Variants in STPG2 observed in about 807,000 individuals in gnomAD.
The protein encoded by STPG2 is sperm tail PG-rich repeat containing 2.
A neutral mutation model predicts 54.2 loss-of-function variants in STPG2; 56 were observed. The ratio of observed to expected loss-of-function variants is 1.03; its 90% CI spans 0.83 to 1.29. The LOEUF (loss-of-function observed/expected upper bound fraction) is 1.29. STPG2 is among the 50% of genes most tolerant of loss of function. STPG2 has a pLI of 0.00. For missense variants in STPG2, 596 were observed against 544.9 expected, an observed-to-expected ratio of 1.09 and a Z score of -0.93; for synonymous variants, 200 against 181.8, an observed-to-expected ratio of 1.10 and a Z score of -0.81.
chr4:97,975,054 A>C lies in STPG2; in HGVS notation c.773-2614T>G, dbSNP rs1359762174. ...AAAAGGCAGACTCAAAAGCTTGAATAATGTATAATTCCATTTATATGTAAA... is the reference window on the plus strand; with the variant it reads ...AAAAGGCAGACTCAAAAGCTTGAATCATGTATAATTCCATTTATATGTAAA... On this transcript the variant is annotated intron_variant, in intron 6 of 10. Coordinates refer to ENST00000295268, the MANE Select transcript of STPG2 (RefSeq NM_174952.3). 2.6e-5 allele frequency among the ~76,000 whole-genome samples: 4 copies of C among 152,234 alleles called. No homozygotes were observed. In the East Asian group the frequency reaches 7.7e-4, roughly 29 times the overall value.
intron 5 of STPG2, among the ~76,000 whole-genome samples, chr4:98,014,280 CTGAG>C (rs1578780857): frequency 6.6e-6 from 1 of 152,054 alleles, no homozygotes; most frequent in Non-Finnish European, 1.5e-5. Flanking sequence ...TTGTGTGGTT[CTGAG>C]TGAGTTTCTT....
intron 9 of STPG2, among the ~76,000 whole-genome samples, chr4:97,822,247 G>A (rs1420013493): frequency 6.6e-6 from 1 of 152,130 alleles, no homozygotes; most frequent in Non-Finnish European, 1.5e-5. Context: ...ATTTGCTAAG[G>A]CATAACATGA....
intron 9 of STPG2, among the ~76,000 whole-genome samples, chr4:97,753,402 T>C (rs1448688401): frequency 6.6e-6 from 1 of 152,004 alleles, no homozygotes; most frequent in South Asian, 2.1e-4. Context: ...TTGTAGCATA[T>C]ATCAAAATTT....
intron 10 of STPG2, among the ~76,000 whole-genome samples, chr4:97,628,257 T>C (rs926822443): frequency 1.3e-5 from 2 of 152,090 alleles, no homozygotes; most frequent in Admixed American, 1.3e-4. Flanking sequence ...AAGAATCCTG[T>C]GAGACTGAGT....
At chr4:97,903,124 T>G (rs536539383) in intron 8 of STPG2, among the ~76,000 whole-genome samples, 1 of 152,264 alleles carries the variant, frequency 6.6e-6, no homozygotes, top group East Asian at 1.9e-4. Context: ...AATGAATATA[T>G]TCTGGACACC....
chr4:97,972,383 C>T lies in STPG2; in HGVS notation c.830G>A (p.Cys277Tyr), dbSNP rs965171943. ...NTIIASVRNI[C>Y]SKKQKKSAFG... ...TGCACTTTTCTTCTGTTTCTTTGAG[C>T]AGATATTTCTAACACTGGCAATTAT... Residue 277 changes from cysteine to tyrosine, a missense_variant, in exon 7 of 11, where the codon TGC (cysteine) becomes TAC (tyrosine). By Grantham distance (194) the Cys-to-Tyr change is radical. Transcript: ENST00000295268. 3 of 1,607,464 alleles carry T rather than the reference C, an allele frequency of 1.9e-6. No individual in the cohort carries two copies. The highest frequency in any genetic ancestry group is 2.7e-5 in the African/African-American group (2 of 74,658).
At chr4:98,086,919 G>T (rs559038902) in intron 5 of STPG2, among the ~76,000 whole-genome samples, 8 of 151,964 alleles carry the variant, frequency 5.3e-5, no homozygotes, top group Non-Finnish European at 1.2e-4. Flanking sequence ...ATACTATTTT[G>T]TTTACTTACA....
At chr4:98,107,669 G>C (rs1739225568) in intron 4 of STPG2, among the ~76,000 whole-genome samples, 1 of 151,976 alleles carries the variant, frequency 6.6e-6, no homozygotes, top group South Asian at 2.1e-4. Flanking sequence ...GAAGTATAGT[G>C]AAATGGAATG....
chr4:97,551,600 A>G (rs1260618946), intron 4 of STPG2, among the ~76,000 whole-genome samples: 1 of 152,362 alleles, frequency 6.6e-6, no homozygotes, highest in East Asian at 1.9e-4. Context: ...AGATTGAATT[A>G]GAACAAAAGA....
chr4:98,060,183 C>T (rs1737600113), intron 5 of STPG2, among the ~76,000 whole-genome samples: 1 of 152,140 alleles, frequency 6.6e-6, no homozygotes, highest in African/African-American at 2.4e-5. Flanking sequence ...AGTCTCAGCC[C>T]AAAACTGCCT....
At chr4:97,573,890 G>A (rs573970974) in intron 10 of STPG2, among the ~76,000 whole-genome samples, 1 of 152,148 alleles carries the variant, frequency 6.6e-6, no homozygotes, top group African/African-American at 2.4e-5. Context: ...TAGAGCCAGT[G>A]CCCTTATACA....
chr4:97,966,924 A>G (rs1396974206), intron 7 of STPG2, among the ~76,000 whole-genome samples: 6 of 152,250 alleles, frequency 3.9e-5, no homozygotes, highest in Non-Finnish European at 8.8e-5. Flanking sequence ...TGTAAAGACC[A>G]TCAATGCTAG....
chr4:97,785,590 T>C (rs1319703600), intron 9 of STPG2, among the ~76,000 whole-genome samples: 1 of 152,178 alleles, frequency 6.6e-6, no homozygotes, highest in South Asian at 2.1e-4. Context: ...AATGTTATAG[T>C]GGTTATGACA....
chr4:97,951,704 A>G (rs1733478599), intron 7 of STPG2, among the ~76,000 whole-genome samples: 1 of 152,184 alleles, frequency 6.6e-6, no homozygotes, highest in Admixed American at 6.5e-5. Flanking sequence ...GAGTTGGAAT[A>G]GCAGAGGTCT....
At chr4:97,670,546 G>C (rs1030991105) in intron 10 of STPG2, among the ~76,000 whole-genome samples, 2 of 152,138 alleles carry the variant, frequency 1.3e-5, no homozygotes, top group African/African-American at 4.8e-5. Context: ...AAAATGATGA[G>C]CTTTAGACTA....
chr4:97,981,379 G>A, intron 5 of STPG2, 61 bp from the exon 6 acceptor site: 1 of 1,532,338 alleles, frequency 6.5e-7, no homozygotes, highest in South Asian at 1.2e-5. Flanking sequence ...TACTTCATGA[G>A]TTAAAACCTG....
At chr4:97,737,512 T>G (rs1725049702) in intron 9 of STPG2, among the ~76,000 whole-genome samples, 1 of 152,146 alleles carries the variant, frequency 6.6e-6, no homozygotes, top group African/African-American at 2.4e-5. Context: ...AGAGAAATGC[T>G]TAAAGGAGCT....
intron 10 of STPG2, among the ~76,000 whole-genome samples, chr4:97,576,981 T>C (rs1167545007): frequency 6.6e-6 from 1 of 152,014 alleles, no homozygotes; most frequent in Non-Finnish European, 1.5e-5. Flanking sequence ...CCAATAAACA[T>C]ATGAAAAATG....
At chr4:97,932,481 T>A (rs1732588601) in intron 8 of STPG2, among the ~76,000 whole-genome samples, 1 of 152,130 alleles carries the variant, frequency 6.6e-6, no homozygotes, top group Non-Finnish European at 1.5e-5. Flanking sequence ...GTATTAAGCC[T>A]CACATGCATT....
Sources: gnomAD v4.1 joint callset for allele counts (sites outside exome capture counted in the v4.1 genomes callset) on GRCh38, gnomAD v4.1.1 for gene constraint, MANE v1.5 for transcripts, NCBI Gene and HGNC (gene_info 2026-07-23, HGNC 2026-07-21) for gene names.